The following WSCD1 variants were observed in gnomAD, a reference collection of about 807,000 sequenced individuals.
WSCD1 encodes the protein WSC domain sialate O sulfotransferase 1, also known as sialate:O-sulfotransferase 1.
A neutral mutation model predicts 60.4 loss-of-function variants in WSCD1; 41 were observed. The observed-to-expected ratio is 0.68, with a 90% CI of 0.53 to 0.88. The LOEUF (loss-of-function observed/expected upper bound fraction) is 0.88. WSCD1 is among the 40% of genes least tolerant of loss of function. WSCD1 has a pLI of 0.00. For missense variants in WSCD1, 784 were observed against 796.2 expected, an observed-to-expected ratio of 0.98 and a Z score of 0.18; for synonymous variants, 361 against 332.5, an observed-to-expected ratio of 1.09 and a Z score of -0.93.
chr17:6,096,765 C>T (rs1412969707), intron 5 of WSCD1, among the ~76,000 whole-genome samples: 1 of 152,104 alleles, frequency 6.6e-6, no homozygotes, highest in Non-Finnish European at 1.5e-5. Context: ...GAGAATGAGC[C>T]ACCCTCCTAG....
chr17:6,109,475 G>A, intron 5 of WSCD1, 132 bp from the exon 6 acceptor site: 2 of 1,289,102 alleles, frequency 1.6e-6, no homozygotes, highest in Non-Finnish European at 1.1e-6. Flanking sequence ...TGGAAGGATG[G>A]TGGTCATCCC....
chr17:6,090,172 A>G lies in WSCD1; in HGVS notation c.543-149A>G, dbSNP rs923279932. 9.0e-6 allele frequency: 7 copies of G among 780,230 alleles called. 1 individual carries two copies. The allele number at this position is 780,230 out of a possible 1,614,324, so 48.3% of individuals were successfully genotyped here. A position where few individuals can be genotyped will look rare whatever the true frequency, so the allele number is the denominator to read the frequency against. On this transcript the variant is annotated intron_variant, in intron 3 of 8. Transcript: ENST00000317744. ...TGTAACTAACCTGCACGTTGTGCAC[A>G]TGTACCCTAAAACTTAAAGTATAAT...
rs1278647130 is a variant in WSCD1, at chr17:6,109,739, T to C, written c.982T>C (p.Cys328Arg). ...DPEAQRLAEY[C>R]EVYQTPVQDT... Reference sequence around the variant, plus strand: ...TGAGGCACAGAGGCTGGCAGAATACTGTGAGGTCTACCAGACACCTGTGCA... The same window carrying C: ...TGAGGCACAGAGGCTGGCAGAATACCGTGAGGTCTACCAGACACCTGTGCA... The change falls in exon 6 of 9, where the codon TGT becomes CGT. Residue 328 changes from cysteine to arginine, a missense_variant. Transcript: ENST00000317744. 1.9e-6 allele frequency: 3 copies of C among 1,614,028 alleles called. No individual in the cohort carries two copies. Among genetic ancestry groups the C allele is most frequent in the Non-Finnish European group, 2.5e-6 (3 of 1,179,924 alleles).
rs757424884 is a variant in WSCD1 at position 6,120,395 on chromosome 17, G to A, written c.1462G>A (p.Val488Met). The A allele has an allele frequency of 3.1e-6, 5 of 1,614,084 alleles. No individual in the cohort carries two copies. The highest frequency in any genetic ancestry group is 4.2e-6 in the Non-Finnish European group (5 of 1,180,038). Residue 488 changes from valine to methionine, a missense_variant, in exon 9 of 9, where the codon GTG becomes ATG. Transcript: ENST00000317744. ...CAAGTACGGGAAGCGGCTGCTGGTG[G>A]TGCACTACGAGGAGCTGCGGCGCAG... ...WLKYGKRLLV[V>M]HYEELRRSLV...
intron 5 of WSCD1, among the ~76,000 whole-genome samples, chr17:6,100,833 GA>G (rs1910755219): frequency 6.6e-6 from 1 of 152,248 alleles, no homozygotes; most frequent in South Asian, 2.1e-4. Flanking sequence ...AGAGCCACCT[GA>G]AGATGCCAGG....
intron 4 of WSCD1, among the ~76,000 whole-genome samples, chr17:6,091,912 T>C (rs1597358350): frequency 1.3e-5 from 2 of 152,244 alleles, no homozygotes; most frequent in African/African-American, 4.8e-5. Flanking sequence ...ATCCCAGCAC[T>C]TTGGGAGGCC....
At chr17:6,094,326 CAG>C (rs1910248772) in intron 4 of WSCD1, among the ~76,000 whole-genome samples, 1 of 152,168 alleles carries the variant, frequency 6.6e-6, no homozygotes. Flanking sequence ...AGTTCAAGAT[CAG>C]AGAGAGGCAA....
At chr17:6,098,944 A>G (rs1910621493) in intron 5 of WSCD1, among the ~76,000 whole-genome samples, 1 of 151,990 alleles carries the variant, frequency 6.6e-6, no homozygotes, top group African/African-American at 2.4e-5. Context: ...TTGGAACTGG[A>G]GGATGTGGGG....
chr17:6,075,057 T>C lies in WSCD1; in HGVS notation c.-289+4405T>C, dbSNP rs1908761489. Among the ~76,000 whole-genome samples the C allele has an allele frequency of 6.6e-6, 1 of 152,108 alleles. No homozygotes were observed. The highest frequency in any genetic ancestry group is 1.5e-5 in the Non-Finnish European group (1 of 68,014). ...GAAGCTGAGACCCCCTGGCTGCCAG[T>C]CACTGAGGCTGAGGCTTCGAGCTTC... On this transcript the variant is annotated intron_variant, in intron 1 of 8. Transcript: ENST00000317744. The surrounding 1 kb of genome is among the most constrained non-coding windows in gnomAD (Gnocchi z 4.1).
rs201993456 is a variant in WSCD1, at chr17:6,080,835, C to T, written c.177C>T (p.Ala59=). The T allele has an allele frequency of 6.7e-4, 1,084 of 1,607,890 alleles. No homozygotes were observed. The highest frequency in any genetic ancestry group is 8.5e-4 in the Non-Finnish European group (1,005 of 1,178,410). The part of the protein sequence containing the change: ...PGPLQTLPVA[A]VALGVGLLDS... ...CCCTGCAGACCTTGCCAGTGGCCGC[C>T]GTGGCGCTGGGCGTGGGCTTGCTGG... The change falls in exon 2 of 9, where the codon GCC becomes GCT. Residue 59 remains alanine (A), a synonymous_variant. Coordinates refer to ENST00000317744, the MANE Select transcript of WSCD1 (RefSeq NM_015253.2). This position sits in a 1 kb window ranked among gnomAD's most constrained non-coding sequence, Gnocchi z 6.6.
rs200738032 is a variant in WSCD1, at chr17:6,095,068, A to G, written c.728-34A>G. On this transcript the variant is annotated intron_variant, in intron 4 of 8. Coordinates refer to ENST00000317744, the MANE Select transcript of WSCD1 (RefSeq NM_015253.2). ...TGACAGGCACCAACAACTGGACACC[A>G]TCTCTTACCAGAAACCCCTCTCTTT... 318 of 1,593,202 alleles carry G rather than the reference A, an allele frequency of 2.0e-4. No homozygotes were observed. The East Asian group carries it at 5.8e-3, about 29-fold the overall frequency.
intron 5 of WSCD1, among the ~76,000 whole-genome samples, chr17:6,104,035 A>T (rs542448421): frequency 1.3e-5 from 2 of 152,232 alleles, no homozygotes; most frequent in East Asian, 3.9e-4. Flanking sequence ...TGCAAGTTGC[A>T]TAAGTATGGC....
chr17:6,092,906 C>G lies in WSCD1; in HGVS notation c.728-2196C>G, dbSNP rs1213458190. On this transcript the variant is annotated intron_variant, in intron 4 of 8. Coordinates refer to ENST00000317744, the MANE Select transcript of WSCD1 (RefSeq NM_015253.2). ...CTGCCTCTTTGGGCAGGCTGTGGAGCCCCCCGTGAGGTACCTTTGCCTTCC... is the reference window on the plus strand; with the variant it reads ...CTGCCTCTTTGGGCAGGCTGTGGAGGCCCCCGTGAGGTACCTTTGCCTTCC... Among the ~76,000 whole-genome samples the G allele has an allele frequency of 2.0e-5, 3 of 149,004 alleles. No individual in the cohort carries two copies. The South Asian group carries it at 6.3e-4, about 31-fold the overall frequency.
rs147170517 is a variant in WSCD1, at chr17:6,084,335, C to T, written c.427+3250C>T. Among the ~76,000 whole-genome samples, 763 of 152,368 alleles carry T rather than the reference C, an allele frequency of 5.0e-3. 6 individuals are homozygous for T. The highest frequency in any genetic ancestry group is 0.017 in the African/African-American group (719 of 41,590). On this transcript the variant is annotated intron_variant, in intron 2 of 8. Coordinates refer to ENST00000317744, the MANE Select transcript of WSCD1 (RefSeq NM_015253.2). ...GAATGGGGGAAGGCAGGGTGCTGGC[C>T]TGCAATCCCTGTGGGCCCCTTCCTG...
intron 2 of WSCD1, among the ~76,000 whole-genome samples, chr17:6,086,136 T>C (rs11078605): frequency 0.33 from 49,560 of 151,198 alleles, 9,122 homozygotes; most frequent in East Asian, 0.64. Context: ...CCCTTGGGTC[T>C]TGGTGTGGTG....
At chr17:6,120,173 G>C (rs1904571409) in intron 8 of WSCD1, 136 bp from the exon 9 acceptor site, 1 of 969,742 alleles carries the variant, frequency 1.0e-6, no homozygotes. Flanking sequence ...CCTCCTCCAT[G>C]GGGAATGCCA....
intron 7 of WSCD1, among the ~76,000 whole-genome samples, chr17:6,114,615 A>T (rs912181224): frequency 6.6e-6 from 1 of 152,084 alleles, no homozygotes; most frequent in Admixed American, 6.6e-5. Context: ...ATTGCACCCC[A>T]TAAAGAAGAT....
rs375038087 is a variant in WSCD1, at chr17:6,120,983, C to T, written c.*322C>T. On this transcript the variant is annotated 3_prime_UTR_variant, in exon 9 of 9. Coordinates refer to ENST00000317744, the MANE Select transcript of WSCD1 (RefSeq NM_015253.2). ...GCACCCCCAGATACAAATGCAGCCA[C>T]GCACAGACGTAACACACAGGTGCCA... 8.6e-5 allele frequency: 32 copies of T among 370,882 alleles called. No homozygotes were observed. Among genetic ancestry groups the T allele is most frequent in the Non-Finnish European group, 1.1e-4 (23 of 200,300 alleles). 23.0% of individuals were successfully genotyped at this position (370,882 alleles called of 1,614,324 possible). A position where few individuals can be genotyped will look rare whatever the true frequency, so the allele number is the denominator to read the frequency against.
chr17:6,120,167 C>A, intron 8 of WSCD1, 142 bp from the exon 9 acceptor site: 1 of 926,512 alleles, frequency 1.1e-6, no homozygotes, highest in Non-Finnish European at 1.6e-6. Context: ...AAGGGTCCTC[C>A]TCCATGGGGA....
Sources: allele counts gnomAD v4.1 joint callset (sites outside exome capture counted in the v4.1 genomes callset), GRCh38; gene constraint gnomAD v4.1.1; non-coding constraint Gnocchi (gnomAD v3.1); transcripts MANE v1.5; gene names NCBI Gene and HGNC (gene_info 2026-07-23, HGNC 2026-07-21).